MYZAP: variants seen among roughly 807,000 people sequenced by gnomAD.
MYZAP encodes myocardial zonula adherens protein, also known as GRINL1A complex locus upstream.
Under a neutral mutation model 69.4 loss-of-function variants are expected in MYZAP, and 66 were observed. The observed-to-expected ratio is 0.95, with a 90% CI of 0.78 to 1.17. The LOEUF is 1.17. MYZAP is among the 50% of genes most tolerant of loss of function. The pLI, the probability that MYZAP is intolerant of heterozygous loss-of-function variation, is 0.00. For missense variants in MYZAP, 611 were observed against 556.2 expected, an observed-to-expected ratio of 1.10 and a Z score of -0.99; for synonymous variants, 256 against 205.9, an observed-to-expected ratio of 1.24 and a Z score of -2.09.
chr15:57,623,944 T>C (rs2035973303), intron 4 of MYZAP, among the ~76,000 whole-genome samples: 1 of 152,084 alleles, frequency 6.6e-6, no homozygotes, highest in Admixed American at 6.5e-5. Flanking sequence ...AAGATAAACA[T>C]ATCAGGATTG....
intron 10 of MYZAP, chr15:57,646,885 A>G (rs990193891): frequency 4.1e-6 from 4 of 985,428 alleles, no homozygotes; most frequent in Non-Finnish European, 3.6e-6. Flanking sequence ...TTGAACTGAA[A>G]CATCCTTCAT....
In MYZAP at chr15:57,684,529, G is replaced by T. The variant is rs2039600094; in HGVS notation, c.*31G>T. On this transcript the variant is annotated 3_prime_UTR_variant, in exon 13 of 13. Transcript: ENST00000267853. ...CAGAGGCATACACTTTTTACAGATG[G>T]ACAAAAGCTCTGGAACCCTGTGGCT... The T allele has an allele frequency of 1.4e-6, 2 of 1,409,850 alleles. No individual in the cohort carries two copies. Among genetic ancestry groups the T allele is most frequent in the South Asian group, 2.4e-5 (2 of 84,004 alleles). The allele number at this position is 1,409,850 out of a possible 1,614,324, so 87.3% of individuals were successfully genotyped here.
At chr15:57,664,601 C>T (rs548935311) in intron 11 of MYZAP, among the ~76,000 whole-genome samples, 1 of 152,232 alleles carries the variant, frequency 6.6e-6, no homozygotes, top group South Asian at 2.1e-4. Context: ...CTGGGGTGAC[C>T]TAACTTACAT....
chr15:57,675,343 T>C (rs1051806809), intron 12 of MYZAP, among the ~76,000 whole-genome samples: 35 of 152,178 alleles, frequency 2.3e-4, no homozygotes, highest in Admixed American at 6.5e-4. Flanking sequence ...CTTCCTTCCT[T>C]CATTCATTCA....
chr15:57,593,188 G>GCATGCGCGCGCGCACACACACA lies in MYZAP; in HGVS notation c.75+1081_75+1082insTGCGCGCGCGCACACACACACA. On this transcript the variant is annotated intron_variant, in intron 1 of 12. Coordinates refer to ENST00000267853, the MANE Select transcript of MYZAP (RefSeq NM_001018100.5). The stretch of plus-strand genomic sequence containing the variant: ...AGACACTTAGGTTGTGTACACAGGC[G>GCATGCGCGCGCGCACACACACA]CACACACACACACACACACACACAC... 3.4e-4 allele frequency among the ~76,000 whole-genome samples: 39 copies of GCATGCGCGCGCGCACACACACA among 114,200 alleles called. No individual in the cohort carries two copies. In the South Asian group the frequency reaches 3.8e-3, roughly 11 times the overall value. The allele number at this position is 114,200 out of a possible 152,430, so 74.9% of individuals were successfully genotyped here. A position where few individuals can be genotyped will look rare whatever the true frequency, so the allele number is the denominator to read the frequency against.
chr15:57,632,978 G>A (rs2036597271), intron 7 of MYZAP, among the ~76,000 whole-genome samples: 2 of 152,074 alleles, frequency 1.3e-5, no homozygotes, highest in South Asian at 4.1e-4. Flanking sequence ...GTCTCTTCCA[G>A]TCATGGAGCC....
At chr15:57,624,662 C>T (rs1407641428) in intron 4 of MYZAP, among the ~76,000 whole-genome samples, 1 of 152,220 alleles carries the variant, frequency 6.6e-6, no homozygotes, top group African/African-American at 2.4e-5. Flanking sequence ...CTCCTACACA[C>T]CCTCATTTTC....
chr15:57,670,273 G>C (rs895319830), intron 11 of MYZAP, among the ~76,000 whole-genome samples: 2 of 151,908 alleles, frequency 1.3e-5, no homozygotes, highest in Admixed American at 1.3e-4. Context: ...TTGAAACTCT[G>C]TTACTAGGTA....
At chr15:57,620,037 A>T (rs374831706) in intron 3 of MYZAP, among the ~76,000 whole-genome samples, 1 of 152,232 alleles carries the variant, frequency 6.6e-6, no homozygotes, top group Non-Finnish European at 1.5e-5. Flanking sequence ...TGGGAGGGAC[A>T]TGCAGCTCAA....
At chr15:57,616,846 T>TTTTTTTTTTTTTTTTTC (rs2035496055) in intron 2 of MYZAP, among the ~76,000 whole-genome samples, 1 of 140,270 alleles carries the variant, frequency 7.1e-6, no homozygotes, top group Non-Finnish European at 1.5e-5. Context: ...TTTTTTTTTT[T>TTTTTTTTTTTTTTTTTC]TGTGAATACA....
At chr15:57,677,798 A>G (rs2039215124) in intron 12 of MYZAP, among the ~76,000 whole-genome samples, 1 of 152,192 alleles carries the variant, frequency 6.6e-6, no homozygotes, top group South Asian at 2.1e-4. Context: ...AGCCTTGGGC[A>G]AGTTACTTCA....
intron 1 of MYZAP, among the ~76,000 whole-genome samples, chr15:57,602,189 A>G (rs1452411240): frequency 6.6e-6 from 1 of 152,058 alleles, no homozygotes; most frequent in African/African-American, 2.4e-5. Context: ...CCAGACTGGG[A>G]CGGGGGTGGA....
chr15:57,618,730 C>T (rs1026565817), intron 3 of MYZAP, among the ~76,000 whole-genome samples: 1 of 152,184 alleles, frequency 6.6e-6, no homozygotes. Context: ...TAAAATCACT[C>T]ATAATCTCAC....
chr15:57,628,226 G>T (rs918621738), intron 5 of MYZAP, among the ~76,000 whole-genome samples: 5 of 152,156 alleles, frequency 3.3e-5, no homozygotes, highest in Non-Finnish European at 5.9e-5. Flanking sequence ...AGTTAACCAA[G>T]TAGAAACCAA....
At chr15:57,679,338 C>T (rs1567244149) in intron 12 of MYZAP, among the ~76,000 whole-genome samples, 1 of 18,818 alleles carries the variant, frequency 5.3e-5, no homozygotes, top group Non-Finnish European at 2.4e-4. Flanking sequence ...TGTTTCACCT[C>T]TTTGTGTGTG....
chr15:57,667,751 A>G (rs2038653398), intron 11 of MYZAP, among the ~76,000 whole-genome samples: 1 of 152,190 alleles, frequency 6.6e-6, no homozygotes, highest in Non-Finnish European at 1.5e-5. Context: ...ACTTACATAA[A>G]TAAGTTTCTG....
chr15:57,638,627 C>G (rs2036955605), intron 9 of MYZAP, among the ~76,000 whole-genome samples: 1 of 152,116 alleles, frequency 6.6e-6, no homozygotes, highest in Non-Finnish European at 1.5e-5. Context: ...CCAGCGGCCC[C>G]AGAGAACTGA....
intron 4 of MYZAP, among the ~76,000 whole-genome samples, chr15:57,623,138 G>A (rs1172221994): frequency 6.6e-6 from 1 of 152,210 alleles, no homozygotes; most frequent in African/African-American, 2.4e-5. Context: ...ACCATCCCAT[G>A]ATATAATTTT....
In MYZAP at chr15:57,629,874, A is replaced by T; in HGVS notation, c.678+20A>T. The T allele has an allele frequency of 6.2e-7, 1 of 1,605,596 alleles. No homozygotes were observed. The highest frequency in any genetic ancestry group is 1.3e-5 in the African/African-American group (1 of 74,094). Reference sequence around the variant, plus strand: ...ATGAAGGTGGAGTATAAAAGCCTAGATTTATTTTCTATGAACTTTTCTCCT... The same window carrying T: ...ATGAAGGTGGAGTATAAAAGCCTAGTTTTATTTTCTATGAACTTTTCTCCT... On this transcript the variant is annotated intron_variant, in intron 6 of 12. Coordinates refer to ENST00000267853, the MANE Select transcript of MYZAP (RefSeq NM_001018100.5).
Sources: gnomAD v4.1 joint callset for allele counts (sites outside exome capture counted in the v4.1 genomes callset) on GRCh38, gnomAD v4.1.1 for gene constraint, MANE v1.5 for transcripts, NCBI Gene and HGNC (gene_info 2026-07-23, HGNC 2026-07-21) for gene names.